Variants in ASIC2 observed in about 807,000 individuals in gnomAD.
ASIC2 encodes acid-sensing ion channel 2.
Under a neutral mutation model 57.3 loss-of-function variants are expected in ASIC2, and 25 were observed. The ratio of observed to expected loss-of-function variants is 0.44; its 90% CI spans 0.32 to 0.61. ASIC2 has a LOEUF of 0.61. Among genes scored for constraint, ASIC2 ranks in the 20% least tolerant of loss-of-function variants. The probability of loss-of-function intolerance (pLI) is 0.06; values close to 1 mark genes in which losing one functional copy is unlikely to be tolerated. For missense variants in ASIC2, 641 were observed against 738.1 expected (o/e 0.87, Z 1.52); for synonymous variants, 319 against 307.5 (o/e 1.04, Z -0.39).
chr17:33,308,535 C>A (rs1345288123), intron 1 of ASIC2, among the ~76,000 whole-genome samples: 1 of 152,160 alleles, frequency 6.6e-6, no homozygotes, highest in Non-Finnish European at 1.5e-5. Context: ...AGCCAGAAAC[C>A]AAATTCTGGT....
At chr17:33,969,594 A>G (rs1905167238) in intron 1 of ASIC2, among the ~76,000 whole-genome samples, 1 of 152,188 alleles carries the variant, frequency 6.6e-6, no homozygotes, top group Admixed American at 6.5e-5. Flanking sequence ...TGGACAATTG[A>G]GGCTCCGTCC....
chr17:33,221,670 A>G (rs1437661074), intron 1 of ASIC2, among the ~76,000 whole-genome samples: 2 of 152,244 alleles, frequency 1.3e-5, no homozygotes, highest in Non-Finnish European at 2.9e-5. Context: ...TGAAGAATTT[A>G]CTAATTGGGC....
chr17:33,016,435 C>T (rs1470218949), intron 8 of ASIC2, among the ~76,000 whole-genome samples: 1 of 152,146 alleles, frequency 6.6e-6, no homozygotes, highest in Non-Finnish European at 1.5e-5. Context: ...CTAGGCCTGA[C>T]ACTGCACACA....
chr17:33,539,006 G>T (rs187421718), intron 1 of ASIC2, among the ~76,000 whole-genome samples: 5 of 152,318 alleles, frequency 3.3e-5, no homozygotes, highest in Admixed American at 2.6e-4. Context: ...CTCAGAAGAG[G>T]TTAATGTCCC....
intron 1 of ASIC2, among the ~76,000 whole-genome samples, chr17:33,595,743 G>T (rs1904960691): frequency 6.6e-6 from 1 of 152,244 alleles, no homozygotes; most frequent in African/African-American, 2.4e-5. Context: ...CAGGGGGGTT[G>T]TGAAAATTAA....
intron 1 of ASIC2, among the ~76,000 whole-genome samples, chr17:33,157,414 T>C (rs1481110192): frequency 1.3e-5 from 2 of 152,218 alleles, no homozygotes; most frequent in South Asian, 2.1e-4. Flanking sequence ...TATGTATCCT[T>C]TAAGTACTAG....
intron 1 of ASIC2, among the ~76,000 whole-genome samples, chr17:33,575,737 C>A (rs1916597647): frequency 6.6e-6 from 1 of 152,142 alleles, no homozygotes; most frequent in Admixed American, 6.5e-5. Flanking sequence ...GTATTTGAAA[C>A]AAGTGAGTCA....
intron 1 of ASIC2, among the ~76,000 whole-genome samples, chr17:34,031,108 C>T (rs9908819): frequency 0.01 from 1,523 of 152,274 alleles, 25 homozygotes; most frequent in African/African-American, 0.034. Context: ...TGGGAGGCAC[C>T]CCCCAGTAGG....
Position 33,712,859 on chromosome 17 carries a change from A to T in ASIC2, c.555+443119T>A, listed in dbSNP as rs191674852. On this transcript the variant is annotated intron_variant, in intron 1 of 9. Transcript: ENST00000359872. ...ACGGGGTTTCACCGTTTTAGCCGGG[A>T]TGGTCTCGATCTCCTGACCTCGTGA... is the stretch of plus-strand genomic sequence containing the variant. Among the ~76,000 whole-genome samples the T allele has an allele frequency of 1.8e-4, 27 of 151,160 alleles. No homozygotes were observed. In the East Asian group the frequency reaches 4.7e-3, roughly 26 times the overall value.
intron 1 of ASIC2, among the ~76,000 whole-genome samples, chr17:33,395,066 A>G (rs1910028378): frequency 7.1e-6 from 1 of 141,060 alleles, no homozygotes; most frequent in South Asian, 2.4e-4. Context: ...CCATCCATCC[A>G]CTCATCCATC....
chr17:33,992,011 C>T (rs558645165), intron 1 of ASIC2, among the ~76,000 whole-genome samples: 1 of 152,222 alleles, frequency 6.6e-6, no homozygotes, highest in Non-Finnish European at 1.5e-5. Flanking sequence ...AGTAACACTG[C>T]CCTGGGAGGC....
At chr17:33,343,397 T>C (rs1907810135) in intron 1 of ASIC2, among the ~76,000 whole-genome samples, 3 of 152,230 alleles carry the variant, frequency 2.0e-5, no homozygotes, top group Non-Finnish European at 4.4e-5. Context: ...CCTAACTTCC[T>C]TGGACACTTC....
At chr17:33,740,902 C>T (rs1910090952) in intron 1 of ASIC2, among the ~76,000 whole-genome samples, 1 of 152,134 alleles carries the variant, frequency 6.6e-6, no homozygotes, top group South Asian at 2.1e-4. Flanking sequence ...GCTATTGTCC[C>T]TTCAACAGGG....
intron 1 of ASIC2, among the ~76,000 whole-genome samples, chr17:33,616,226 CCTT>C (rs1471897295): frequency 8.1e-6 from 1 of 122,948 alleles, no homozygotes; most frequent in Non-Finnish European, 1.6e-5. Flanking sequence ...CAAGTCTTCT[CCTT>C]CTTCTTCCAA....
At position 33,908,084 on chromosome 17, in the gene ASIC2, C is replaced by T. The variant is rs147895588; in HGVS notation, c.555+247894G>A. On this transcript the variant is annotated intron_variant, in intron 1 of 9. Coordinates refer to the ASIC2 transcript ENST00000359872. ...GAAATTTCCCATTATCTTATTTCCTCCTTACAGTGTCCCAGTGTGCACAGC... is the reference window on the plus strand; with the variant it reads ...GAAATTTCCCATTATCTTATTTCCTTCTTACAGTGTCCCAGTGTGCACAGC... 1.5e-4 allele frequency among the ~76,000 whole-genome samples: 23 copies of T among 152,286 alleles called. 1 individual carries two copies. The South Asian group carries it at 4.6e-3, about 30-fold the overall frequency.
intron 1 of ASIC2, among the ~76,000 whole-genome samples, chr17:33,261,146 G>A (rs4795756): frequency 0.68 from 102,896 of 152,252 alleles, 35,075 homozygotes; most frequent in Non-Finnish European, 0.73. Context: ...TTTGCCATCA[G>A]TAATTTCAGA....
chr17:33,269,997 A>C (rs1312710702), intron 1 of ASIC2, among the ~76,000 whole-genome samples: 2 of 152,074 alleles, frequency 1.3e-5, no homozygotes, highest in Admixed American at 1.3e-4. Flanking sequence ...TCCATGCAAG[A>C]CTTCTCTTCA....
intron 1 of ASIC2, among the ~76,000 whole-genome samples, chr17:33,164,938 T>A (rs1215598960): frequency 2.0e-5 from 3 of 152,194 alleles, no homozygotes; most frequent in Non-Finnish European, 4.4e-5. Context: ...GCCAGCTCTC[T>A]CCACCCTTCC....
chr17:33,962,805 C>A (rs998306019), intron 1 of ASIC2, among the ~76,000 whole-genome samples: 3 of 152,162 alleles, frequency 2.0e-5, no homozygotes, highest in South Asian at 4.1e-4. Flanking sequence ...GAGGAAAAAA[C>A]CATTTTTAGT....
Sources: gnomAD v4.1 joint callset for allele counts (sites outside exome capture counted in the v4.1 genomes callset) on GRCh38, gnomAD v4.1.1 for gene constraint, MANE v1.5 for transcripts, NCBI Gene and HGNC (gene_info 2026-07-23, HGNC 2026-07-21) for gene names.